SLC9C1: variants seen among roughly 807,000 people sequenced by gnomAD.
SLC9C1 encodes sodium/hydrogen exchanger 10.
SLC9C1 carries 97 observed loss-of-function variants against 140.9 expected under a neutral mutation model. The observed-to-expected ratio is 0.69, with a 90% CI of 0.58 to 0.82. The LOEUF is 0.82. SLC9C1 is among the 40% of genes least tolerant of loss of function. The pLI, the probability that SLC9C1 is intolerant of heterozygous loss-of-function variation, is 0.00. For synonymous variants in SLC9C1, 440 were observed against 442.6 expected, an observed-to-expected ratio of 0.99 and a Z score of 0.07; for missense variants, 1,340 against 1,389.3, an observed-to-expected ratio of 0.96 and a Z score of 0.56.
chr3:112,148,056 A>G (rs1010732334), intron 28 of SLC9C1, among the ~76,000 whole-genome samples: 1 of 152,136 alleles, frequency 6.6e-6, no homozygotes, highest in African/African-American at 2.4e-5. Flanking sequence ...GGTTTAGTCT[A>G]TTGATAACAT....
chr3:112,169,299 A>G lies in SLC9C1; in HGVS notation c.2949T>C (p.Tyr983=). The change falls in exon 24 of 29, where the codon TAT becomes TAC. Residue 983 remains tyrosine (Y), a synonymous_variant. Coordinates refer to ENST00000305815, the MANE Select transcript of SLC9C1 (RefSeq NM_183061.3). ...ETCFIPKTHL[Y]DAFEQCSPLI... is the part of the protein sequence containing the mutation. ...GAGGAGAGCATTGCTCAAAAGCATC[A>G]TACAAGTGAGTTTTGGGAATAAAAC... 1 of 1,611,234 alleles carries G rather than the reference A, an allele frequency of 6.2e-7. No individual in the cohort carries two copies. The highest frequency in any genetic ancestry group is 8.5e-7 in the Non-Finnish European group (1 of 1,179,130).
chr3:112,262,883 T>G, intron 10 of SLC9C1, 41 bp downstream of exon 10: 1 of 1,479,794 alleles, frequency 6.8e-7, no homozygotes, highest in East Asian at 2.5e-5. Flanking sequence ...ACAGTAATAG[T>G]TTTATACAAT....
At chr3:112,170,054 G>A (rs1184165022) in intron 23 of SLC9C1, among the ~76,000 whole-genome samples, 1 of 152,082 alleles carries the variant, frequency 6.6e-6, no homozygotes, top group Non-Finnish European at 1.5e-5. Flanking sequence ...AGGAAACCTA[G>A]AGAAAAGTCT....
intron 5 of SLC9C1, among the ~76,000 whole-genome samples, chr3:112,276,170 GTTGT>G (rs1397846875): frequency 6.6e-6 from 1 of 152,104 alleles, no homozygotes; most frequent in African/African-American, 2.4e-5. Flanking sequence ...CACATTTGGA[GTTGT>G]TTATTACTCA....
At chr3:112,171,215 GA>G (rs1006863619) in intron 23 of SLC9C1, among the ~76,000 whole-genome samples, 9 of 147,246 alleles carry the variant, frequency 6.1e-5, no homozygotes, top group African/African-American at 2.0e-4. Context: ...GACTCTGTCA[GA>G]AAAAAAAAAG....
intron 12 of SLC9C1, among the ~76,000 whole-genome samples, chr3:112,237,897 T>C (rs572292232): frequency 6.6e-6 from 1 of 152,266 alleles, no homozygotes; most frequent in Admixed American, 6.5e-5. Context: ...ACATTTTTTC[T>C]TTCATTTCAA....
chr3:112,265,442 G>A (rs1306963430), intron 8 of SLC9C1, among the ~76,000 whole-genome samples: 4 of 152,034 alleles, frequency 2.6e-5, no homozygotes, highest in Non-Finnish European at 5.9e-5. Context: ...GAATTTTATT[G>A]AAGTGCTCCA....
intron 23 of SLC9C1, among the ~76,000 whole-genome samples, chr3:112,175,430 CA>C (rs2077318654): frequency 6.6e-6 from 1 of 152,108 alleles, no homozygotes; most frequent in Admixed American, 6.5e-5. Flanking sequence ...GGAATGGGAT[CA>C]GAGACCTACT....
intron 2 of SLC9C1, among the ~76,000 whole-genome samples, chr3:112,283,629 T>C (rs889185525): frequency 2.0e-5 from 3 of 152,190 alleles, no homozygotes; most frequent in Non-Finnish European, 2.9e-5. Context: ...GTTAACTAAA[T>C]TGGATTAAAA....
chr3:112,169,776 A>AT (rs1367143554), intron 23 of SLC9C1, among the ~76,000 whole-genome samples: 1 of 152,090 alleles, frequency 6.6e-6, no homozygotes, highest in African/African-American at 2.4e-5. Flanking sequence ...AAATCAGGGC[A>AT]TTTTGATAGA....
At chr3:112,193,835 G>A (rs1182985144) in intron 20 of SLC9C1, among the ~76,000 whole-genome samples, 1 of 152,080 alleles carries the variant, frequency 6.6e-6, no homozygotes, top group East Asian at 1.9e-4. Context: ...CTGCAAGACT[G>A]TTTCTCTGGC....
rs188491641 is a variant in SLC9C1, at chr3:112,246,076, T to C, written c.1198-2000A>G. On this transcript the variant is annotated intron_variant, in intron 10 of 28. Transcript: ENST00000305815. ...TTTCAAAATACGGTCATGTTGATTA[T>C]ATTTTATTTCAAGCAACCTTTTTGT... is the stretch of plus-strand genomic sequence containing the variant. 3.4e-3 allele frequency among the ~76,000 whole-genome samples: 523 copies of C among 152,330 alleles called. 1 individual carries two copies. Among genetic ancestry groups the C allele is most frequent in the Non-Finnish European group, 5.1e-3 (347 of 68,022 alleles).
At chr3:112,171,748 T>C (rs879524134) in intron 23 of SLC9C1, among the ~76,000 whole-genome samples, 12 of 152,238 alleles carry the variant, frequency 7.9e-5, no homozygotes, top group Non-Finnish European at 1.5e-4. Context: ...AGTTCTATCT[T>C]TCATGTTAAA....
chr3:112,211,963 G>A (rs757660776), intron 15 of SLC9C1, among the ~76,000 whole-genome samples: 12 of 152,168 alleles, frequency 7.9e-5, no homozygotes, highest in Non-Finnish European at 1.5e-4. Flanking sequence ...CCCCAGTAAG[G>A]GCAGACTGAC....
intron 11 of SLC9C1, 61 bp downstream of exon 11, chr3:112,243,934 A>G (rs922066388): frequency 6.2e-5 from 71 of 1,137,994 alleles, no homozygotes; most frequent in Non-Finnish European, 8.9e-5. Flanking sequence ...TATTATTAGC[A>G]CTTCTTTACC....
intron 17 of SLC9C1, among the ~76,000 whole-genome samples, chr3:112,203,282 G>A (rs929795242): frequency 6.6e-6 from 1 of 151,884 alleles, no homozygotes; most frequent in Non-Finnish European, 1.5e-5. Flanking sequence ...TGTTTTATTA[G>A]TTTCTTCATC....
chr3:112,186,981 G>T (rs575037020), intron 20 of SLC9C1, among the ~76,000 whole-genome samples: 1 of 152,268 alleles, frequency 6.6e-6, no homozygotes, highest in South Asian at 2.1e-4. Flanking sequence ...TCTGTTTTCT[G>T]CAAGATAAAC....
intron 10 of SLC9C1, among the ~76,000 whole-genome samples, chr3:112,251,840 G>A (rs898841909): frequency 1.2e-4 from 18 of 152,144 alleles, no homozygotes; most frequent in African/African-American, 4.1e-4. Flanking sequence ...AGTGATTCTG[G>A]GTATCCATGC....
chr3:112,206,983 T>C (rs532350668), intron 16 of SLC9C1, among the ~76,000 whole-genome samples: 4 of 152,238 alleles, frequency 2.6e-5, no homozygotes, highest in Admixed American at 2.0e-4. Flanking sequence ...ACCCTAGAAC[T>C]TAAAGTATAA....
Sources: allele counts gnomAD v4.1 joint callset (sites outside exome capture counted in the v4.1 genomes callset), GRCh38; gene constraint gnomAD v4.1.1; transcripts MANE v1.5; gene names NCBI Gene and HGNC (gene_info 2026-07-23, HGNC 2026-07-21).